Variants in CABLES1 observed in about 807,000 individuals in gnomAD.
CABLES1 encodes the protein Cdk5 and Abl enzyme substrate 1, also known as CDK5 and ABL1 enzyme substrate 1.
In CABLES1, 36 loss-of-function variants were observed where a neutral mutation model predicts 57.8. That is an observed-to-expected ratio of 0.62 (90% CI 0.48 to 0.82). CABLES1 has a LOEUF of 0.82. Ranked by LOEUF, CABLES1 falls within the 40% of genes least tolerant of loss-of-function variation. The pLI, the probability that CABLES1 is intolerant of heterozygous loss-of-function variation, is 0.00. For synonymous variants in CABLES1, 374 were observed against 363.0 expected (o/e 1.03, Z -0.35); for missense variants, 767 against 836.6 (o/e 0.92, Z 1.03).
intron 3 of CABLES1, among the ~76,000 whole-genome samples, chr18:23,213,638 C>T (rs1325991267): frequency 6.6e-6 from 1 of 152,230 alleles, no homozygotes; most frequent in African/African-American, 2.4e-5. Context: ...TGACTGCTCA[C>T]CCAGCCCTGG....
chr18:23,165,101 C>T (rs1361327200), intron 1 of CABLES1, among the ~76,000 whole-genome samples: 1 of 151,798 alleles, frequency 6.6e-6, no homozygotes, highest in African/African-American at 2.4e-5. Flanking sequence ...ATTTTTTTCT[C>T]TTCTTTTTTA....
chr18:23,215,210 G>A (rs1157807559), intron 4 of CABLES1, among the ~76,000 whole-genome samples: 23 of 152,138 alleles, frequency 1.5e-4, no homozygotes. Context: ...CAGCTCGGAG[G>A]TTTAAGGACC....
At chr18:23,145,068 TG>T (rs1326605607) in intron 1 of CABLES1, among the ~76,000 whole-genome samples, 1 of 152,026 alleles carries the variant, frequency 6.6e-6, no homozygotes, top group East Asian at 1.9e-4. Flanking sequence ...CCCAAGTAGC[TG>T]GGATTACAGG....
At chr18:23,237,297 C>T in intron 7 of CABLES1, 52 bp downstream of exon 7, 1 of 1,295,282 alleles carries the variant, frequency 7.7e-7, no homozygotes, top group African/African-American at 1.5e-5. Flanking sequence ...GTTGCCCCAC[C>T]TGGGTTGGTG....
At chr18:23,250,726 G>A (rs930573097) in intron 7 of CABLES1, among the ~76,000 whole-genome samples, 5 of 152,306 alleles carry the variant, frequency 3.3e-5, no homozygotes, top group African/African-American at 1.2e-4. Context: ...TCTGGACCAG[G>A]TCAGGAGACC....
intron 3 of CABLES1, among the ~76,000 whole-genome samples, chr18:23,213,243 C>T (rs934422871): frequency 1.1e-4 from 16 of 152,210 alleles, no homozygotes; most frequent in African/African-American, 3.6e-4. Context: ...CTTTGTGCTA[C>T]AAAGAATGTT....
In CABLES1 at chr18:23,135,906, G is replaced by A. The variant is rs1026389703; in HGVS notation, c.144G>A (p.Pro48=). 6 of 1,076,742 alleles carry A rather than the reference G, an allele frequency of 5.6e-6. No individual in the cohort carries two copies. The East Asian group carries it at 2.8e-4, about 51-fold the overall frequency. The allele number at this position is 1,076,742 out of a possible 1,614,324, so 66.7% of individuals were successfully genotyped here. A position where few individuals can be genotyped will look rare whatever the true frequency, so the allele number is the denominator to read the frequency against. Reference sequence around the variant, plus strand: ...CGGCCGCCGCGCCGGCCCAGCCGCCGCCCGAACCCCCCCGGAAGCCGCGCA... The same window carrying A: ...CGGCCGCCGCGCCGGCCCAGCCGCCACCCGAACCCCCCCGGAAGCCGCGCA... ...QPAAAAPAQP[P]PEPPRKPRMD... is the part of the protein sequence containing the mutation. Residue 48 remains proline (P), a synonymous_variant, in exon 1 of 10, where the codon CCG becomes CCA. Coordinates refer to ENST00000256925, the MANE Select transcript of CABLES1 (RefSeq NM_001100619.3).
intron 2 of CABLES1, chr18:23,189,317 C>A: frequency 5.6e-6 from 1 of 178,074 alleles, no homozygotes. Flanking sequence ...ATGTCGCTCC[C>A]TGGCTAGGTG....
intron 3 of CABLES1, among the ~76,000 whole-genome samples, chr18:23,211,781 G>T (rs2047406828): frequency 6.6e-6 from 1 of 152,214 alleles, no homozygotes; most frequent in African/African-American, 2.4e-5. Flanking sequence ...TTAGAATTTG[G>T]CACGTAATCG....
chr18:23,211,584 CTT>C (rs1438365936), intron 3 of CABLES1, among the ~76,000 whole-genome samples: 2 of 152,240 alleles, frequency 1.3e-5, no homozygotes, highest in Non-Finnish European at 2.9e-5. Context: ...TGAAGGCAGA[CTT>C]ATTAGTACCC....
intron 9 of CABLES1, among the ~76,000 whole-genome samples, chr18:23,256,782 T>C (rs1241010622): frequency 6.6e-6 from 1 of 152,126 alleles, no homozygotes; most frequent in East Asian, 1.9e-4. Flanking sequence ...ACCACCGGTT[T>C]GCTTTATTTT....
intron 1 of CABLES1, among the ~76,000 whole-genome samples, chr18:23,185,159 G>T (rs1024772325): frequency 1.3e-5 from 2 of 152,178 alleles, no homozygotes; most frequent in African/African-American, 4.8e-5. Context: ...AGCCTTTCTC[G>T]TTTCTGGTGC....
At chr18:23,256,395 G>T (rs1225021560) in intron 9 of CABLES1, among the ~76,000 whole-genome samples, 1 of 152,248 alleles carries the variant, frequency 6.6e-6, no homozygotes, top group African/African-American at 2.4e-5. Context: ...ATCCTTGTAA[G>T]ATGAAAGGAC....
At chr18:23,198,493 A>G (rs754848979) in intron 3 of CABLES1, among the ~76,000 whole-genome samples, 12 of 152,286 alleles carry the variant, frequency 7.9e-5, no homozygotes, top group Non-Finnish European at 1.8e-4. Flanking sequence ...TCCCATCCCC[A>G]GGACCTGTTA....
At chr18:23,152,563 C>T (rs957795910) in intron 1 of CABLES1, among the ~76,000 whole-genome samples, 43 of 149,512 alleles carry the variant, frequency 2.9e-4, no homozygotes, top group African/African-American at 1.0e-3. Flanking sequence ...CGGCTCACTG[C>T]AACCTCTGCC....
chr18:23,196,884 C>T (rs2047287289), intron 3 of CABLES1: 1 of 152,356 alleles, frequency 6.6e-6, no homozygotes, highest in Non-Finnish European at 1.5e-5. Flanking sequence ...ATGAGCACAG[C>T]CCAGGCTCTC....
intron 1 of CABLES1, among the ~76,000 whole-genome samples, chr18:23,139,046 C>T (rs2046841163): frequency 6.6e-6 from 1 of 151,804 alleles, no homozygotes; most frequent in Non-Finnish European, 1.5e-5. Context: ...CTGAAATCTG[C>T]CCTTTAAAAA....
chr18:23,185,576 C>T (rs2047196958), intron 1 of CABLES1, among the ~76,000 whole-genome samples: 1 of 152,114 alleles, frequency 6.6e-6, no homozygotes, highest in Non-Finnish European at 1.5e-5. Context: ...ATCTGTGCTG[C>T]CCGAAGAGCC....
At chr18:23,226,083 A>C (rs2047525209) in intron 4 of CABLES1, among the ~76,000 whole-genome samples, 1 of 152,222 alleles carries the variant, frequency 6.6e-6, no homozygotes, top group African/African-American at 2.4e-5. Context: ...TCAGAGAAGA[A>C]GGTGAAATAA....
Sources: allele counts gnomAD v4.1 joint callset (sites outside exome capture counted in the v4.1 genomes callset), GRCh38; gene constraint gnomAD v4.1.1; transcripts MANE v1.5; gene names NCBI Gene and HGNC (gene_info 2026-07-23, HGNC 2026-07-21).